ATP9A: variants seen among roughly 807,000 people sequenced by gnomAD.
The protein encoded by ATP9A is probable phospholipid-transporting ATPase IIA.
Under a neutral mutation model 144.1 loss-of-function variants are expected in ATP9A, and 52 were observed. The observed-to-expected ratio is 0.36, with a 90% CI of 0.29 to 0.45. The LOEUF (loss-of-function observed/expected upper bound fraction) is 0.45. Ranked by LOEUF, ATP9A falls within the 20% of genes least tolerant of loss-of-function variation. ATP9A has a pLI of 1.00. For synonymous variants in ATP9A, 582 were observed against 557.4 expected (o/e 1.04, Z -0.62); for missense variants, 947 against 1,392.7 (o/e 0.68, Z 5.09).
intron 14 of ATP9A, among the ~76,000 whole-genome samples, chr20:51,642,726 CAAAAAAAAAAAAAAAAA>C (rs778440862): frequency 8.3e-4 from 26 of 31,148 alleles, no homozygotes; most frequent in Admixed American, 1.9e-3. Context: ...ACTCTGTCTC[CAAAAAAAAAAAAAAAAA>C]AAAAAAAAAA....
chr20:51,606,610 A>G (rs2077164705), intron 26 of ATP9A, among the ~76,000 whole-genome samples: 1 of 152,176 alleles, frequency 6.6e-6, no homozygotes, highest in African/African-American at 2.4e-5. Flanking sequence ...AGGTTTCTAG[A>G]CAGGAATTAA....
chr20:51,698,132 C>G (rs928550717), intron 4 of ATP9A, among the ~76,000 whole-genome samples: 2 of 152,194 alleles, frequency 1.3e-5, no homozygotes, highest in African/African-American at 4.8e-5. Flanking sequence ...TCCCACCTTC[C>G]CCCAAAGTCT....
chr20:51,662,879 T>C (rs1007016918), intron 13 of ATP9A, among the ~76,000 whole-genome samples: 1 of 151,964 alleles, frequency 6.6e-6, no homozygotes, highest in Non-Finnish European at 1.5e-5. Context: ...GAGATCAGCC[T>C]GGCCAACATG....
chr20:51,651,123 G>A (rs2077362502), intron 14 of ATP9A, among the ~76,000 whole-genome samples: 1 of 129,854 alleles, frequency 7.7e-6, no homozygotes. Context: ...ACTACAGCAT[G>A]ATTCTGTACT....
chr20:51,713,359 G>A (rs762481894), intron 3 of ATP9A, among the ~76,000 whole-genome samples: 12 of 152,162 alleles, frequency 7.9e-5, no homozygotes, highest in Non-Finnish European at 1.6e-4. Context: ...CAGGGTGAGG[G>A]TGACACACAC....
intron 13 of ATP9A, among the ~76,000 whole-genome samples, chr20:51,660,421 C>T (rs1212703022): frequency 6.6e-6 from 1 of 152,176 alleles, no homozygotes; most frequent in Non-Finnish European, 1.5e-5. Context: ...AAAAAGAGAA[C>T]CACAGACGGT....
chr20:51,728,626 C>CA (rs3030165), intron 2 of ATP9A, among the ~76,000 whole-genome samples: 69,354 of 130,012 alleles, frequency 0.53, 18,949 homozygotes, highest in South Asian at 0.59. Flanking sequence ...GACTCCATCT[C>CA]AAAAAAAAAA....
At chr20:51,702,609 G>A (rs904413965) in intron 4 of ATP9A, among the ~76,000 whole-genome samples, 3 of 151,992 alleles carry the variant, frequency 2.0e-5, no homozygotes, top group Non-Finnish European at 4.4e-5. Flanking sequence ...GAGAAAGAGG[G>A]AGAGAAAAGA....
At chr20:51,689,823 G>C (rs933845975) in intron 8 of ATP9A, among the ~76,000 whole-genome samples, 1 of 151,732 alleles carries the variant, frequency 6.6e-6, no homozygotes, top group South Asian at 2.1e-4. Context: ...GAATAAAAGA[G>C]GACAAAGTCA....
At chr20:51,632,467 A>C (rs910290520) in intron 15 of ATP9A, among the ~76,000 whole-genome samples, 1 of 152,224 alleles carries the variant, frequency 6.6e-6, no homozygotes, top group Non-Finnish European at 1.5e-5. Flanking sequence ...TGAACACATC[A>C]TAACAGGGTT....
At chr20:51,750,991 T>C (rs2077829035) in intron 1 of ATP9A, among the ~76,000 whole-genome samples, 2 of 152,074 alleles carry the variant, frequency 1.3e-5, no homozygotes, top group Non-Finnish European at 2.9e-5. Context: ...GAGCTCTACG[T>C]CCAACAAGAG....
chr20:51,640,802 G>A (rs930913111), intron 14 of ATP9A, among the ~76,000 whole-genome samples: 1 of 152,226 alleles, frequency 6.6e-6, no homozygotes, highest in Admixed American at 6.5e-5. Context: ...GCCAAAGGAG[G>A]CTGCTGCCAC....
chr20:51,668,106 A>G (rs892955290), intron 13 of ATP9A, among the ~76,000 whole-genome samples: 10 of 2,590 alleles, frequency 3.9e-3, no homozygotes, highest in Admixed American at 0.018. Context: ...GGGGGGCGGA[A>G]GGGCTGGGAG....
At chr20:51,625,747 A>C (rs1261138322) in intron 17 of ATP9A, among the ~76,000 whole-genome samples, 2 of 152,256 alleles carry the variant, frequency 1.3e-5, no homozygotes, top group East Asian at 3.8e-4. Context: ...TTTGTAAGCC[A>C]AACTGTGGGT....
Position 51,743,396 on chromosome 20 carries a change from A to ATTTTTTTTTTTTT in ATP9A, c.69-13431_69-13419dup, listed in dbSNP as rs769952209. Among the ~76,000 whole-genome samples the ATTTTTTTTTTTTT allele has an allele frequency of 4.5e-4, 40 of 89,846 alleles. 4 individuals are homozygous for ATTTTTTTTTTTTT. Among genetic ancestry groups the ATTTTTTTTTTTTT allele is most frequent in the Non-Finnish European group, 5.2e-4 (26 of 50,092 alleles). 58.9% of individuals were successfully genotyped at this position (89,846 alleles called of 152,430 possible). A position where few individuals can be genotyped will look rare whatever the true frequency, so the allele number is the denominator to read the frequency against. On this transcript the variant is annotated intron_variant, in intron 1 of 27. Coordinates refer to ENST00000338821, the MANE Select transcript of ATP9A (RefSeq NM_006045.3). ...GAGATGGGCTGCAAGACCGAAACTG[A>ATTTTTTTTTTTTT]TTTTTTTTTTTTTTTTTTTTTGAGA...
intron 13 of ATP9A, 83 bp downstream of exon 13, chr20:51,669,914 G>A (rs956655674): frequency 1.4e-5 from 13 of 919,222 alleles, no homozygotes; most frequent in African/African-American, 6.6e-5. Flanking sequence ...TGAATTGTAC[G>A]GTATTGTGAA....
At position 51,667,026 on chromosome 20, in the gene ATP9A, G is replaced by C. The variant is rs146333035; in HGVS notation, c.1293+2971C>G. Among the ~76,000 whole-genome samples, 660 of 152,266 alleles carry C rather than the reference G, an allele frequency of 4.3e-3. 8 individuals carry two copies. The highest frequency in any genetic ancestry group is 0.015 in the African/African-American group (620 of 41,544). ...ACTTGGGTAGATCTGTACTGGAATT[G>C]TGAGTTCACCCCAGCCTCGCACAGC... On this transcript the variant is annotated intron_variant, in intron 13 of 27. Coordinates refer to ENST00000338821, the MANE Select transcript of ATP9A (RefSeq NM_006045.3).
intron 4 of ATP9A, among the ~76,000 whole-genome samples, chr20:51,701,989 T>G (rs1433216754): frequency 6.6e-6 from 1 of 152,076 alleles, no homozygotes; most frequent in African/African-American, 2.4e-5. Context: ...GGCAAAACCC[T>G]GTCTCTATTT....
At position 51,619,047 on chromosome 20, in the gene ATP9A, G is replaced by A; in HGVS notation, c.2116-4C>T. ...GAGCCTCCCCGCGGTTGGTCACCTGGAAGGGAACAGAGATGGGGAAGGAGG... is the reference window on the plus strand; with the variant it reads ...GAGCCTCCCCGCGGTTGGTCACCTGAAAGGGAACAGAGATGGGGAAGGAGG... On this transcript the variant is annotated splice_region_variant and splice_polypyrimidine_tract_variant and intron_variant, in intron 19 of 27. Coordinates refer to ENST00000338821, the MANE Select transcript of ATP9A (RefSeq NM_006045.3). 1.9e-6 allele frequency: 3 copies of A among 1,612,104 alleles called. No homozygotes were observed. Among genetic ancestry groups the A allele is most frequent in the Non-Finnish European group, 2.5e-6 (3 of 1,178,178 alleles).
Sources: gnomAD v4.1 joint callset for allele counts (sites outside exome capture counted in the v4.1 genomes callset) on GRCh38, gnomAD v4.1.1 for gene constraint, MANE v1.5 for transcripts, NCBI Gene and HGNC (gene_info 2026-07-23, HGNC 2026-07-21) for gene names.